The following ASPH variants were observed in gnomAD, a reference collection of about 807,000 sequenced individuals.
The protein encoded by ASPH is aspartate beta-hydroxylase.
Under a neutral mutation model 118.4 loss-of-function variants are expected in ASPH, and 100 were observed. The observed-to-expected ratio is 0.84, with a 90% confidence interval of 0.72 to 1.00. The LOEUF is 1.00. Among genes scored for constraint, ASPH ranks in the 50% least tolerant of loss-of-function variants. The probability of loss-of-function intolerance (pLI) is 0.00; values close to 1 mark genes in which losing one functional copy is unlikely to be tolerated. For missense variants in ASPH, 920 were observed against 919.5 expected, an observed-to-expected ratio of 1.00 and a Z score of -0.01; for synonymous variants, 315 against 325.6, an observed-to-expected ratio of 0.97 and a Z score of 0.35.
intron 3 of ASPH, chr8:61,663,370 C>T: frequency 1.0e-6 from 1 of 985,436 alleles, no homozygotes; most frequent in Non-Finnish European, 1.2e-6. Flanking sequence ...CTGGAATTAT[C>T]TCTCCCAGAG....
At chr8:61,663,227 C>A in intron 3 of ASPH, 1 of 985,342 alleles carries the variant, frequency 1.0e-6, no homozygotes, top group Non-Finnish European at 1.2e-6. Context: ...AGAAGCCCTA[C>A]ATTTGATGAA....
intron 1 of ASPH, among the ~76,000 whole-genome samples, chr8:61,701,099 C>T (rs191313721): frequency 8.5e-5 from 13 of 152,232 alleles, no homozygotes; most frequent in Admixed American, 8.5e-4. Context: ...CAGAGGTGGC[C>T]CCACTGTTCT....
chr8:61,562,971 C>A, intron 17 of ASPH, 91 bp from the exon 18 acceptor site: 2 of 1,290,808 alleles, frequency 1.5e-6, no homozygotes, highest in Non-Finnish European at 1.0e-6. Flanking sequence ...GACTATTCAC[C>A]AGAGCCTGAG....
Position 61,567,229 on chromosome 8 carries a change from A to T in ASPH, c.1239T>A (p.Asp413Glu). 6.2e-7 allele frequency: 1 copy of T among 1,614,132 alleles called. No individual in the cohort carries two copies. The highest frequency in any genetic ancestry group is 8.5e-7 in the Non-Finnish European group (1 of 1,180,012). The change falls in exon 17 of 25, where the codon GAT becomes GAA. Residue 413 changes from aspartate (D) to glutamate (E), a missense_variant. Physicochemically the swap from Asp to Glu is conservative, Grantham distance 45. Transcript: ENST00000379454. Reference protein sequence around the residue: ...ETYQEVASLPDVPADLLKLSL... With the variant: ...ETYQEVASLPEVPADLLKLSL... ...TCAGCTTCAGCAGGTCTGCAGGGAC[A>T]TCAGGTAGGCTGGCCACCTCTTGGT...
chr8:61,547,057 G>A (rs1249625793), intron 21 of ASPH, among the ~76,000 whole-genome samples: 1 of 152,160 alleles, frequency 6.6e-6, no homozygotes, highest in Non-Finnish European at 1.5e-5. Flanking sequence ...TAACCTGTAA[G>A]ATACATGAAG....
chr8:61,704,701 G>C (rs900755487), intron 1 of ASPH, among the ~76,000 whole-genome samples: 16 of 152,080 alleles, frequency 1.1e-4, no homozygotes, highest in Non-Finnish European at 4.4e-5. Context: ...AATGGGTGTA[G>C]CCAATAAGCA....
chr8:61,615,049 C>G (rs1398778307), intron 14 of ASPH, among the ~76,000 whole-genome samples: 2 of 152,170 alleles, frequency 1.3e-5, no homozygotes, highest in Non-Finnish European at 2.9e-5. Context: ...CCCAGAATCT[C>G]CCAATGGCCA....
At chr8:61,610,976 G>T (rs1211166422) in intron 14 of ASPH, among the ~76,000 whole-genome samples, 1 of 152,178 alleles carries the variant, frequency 6.6e-6, no homozygotes, top group Admixed American at 6.5e-5. Context: ...CAACTTCATG[G>T]TGTCTTTGCA....
chr8:61,702,133 C>T (rs1010160033), intron 1 of ASPH, among the ~76,000 whole-genome samples: 1 of 152,048 alleles, frequency 6.6e-6, no homozygotes, highest in Admixed American at 6.6e-5. Context: ...ACATAGCAAA[C>T]CTAACTCAAG....
At chr8:61,684,222 G>A (rs201189597) in intron 1 of ASPH, 34 bp from the exon 2 acceptor site, 1 of 1,578,012 alleles carries the variant, frequency 6.3e-7, no homozygotes, top group Non-Finnish European at 8.6e-7. Context: ...ATCATAAGAA[G>A]AAAACATTTT....
intron 3 of ASPH, among the ~76,000 whole-genome samples, chr8:61,678,374 C>T (rs562214657): frequency 6.6e-6 from 1 of 152,014 alleles, no homozygotes; most frequent in East Asian, 1.9e-4. Flanking sequence ...CAAAAGATAC[C>T]TATATTTTAG....
intron 14 of ASPH, among the ~76,000 whole-genome samples, chr8:61,592,432 T>C (rs1392762749): frequency 6.6e-6 from 1 of 152,202 alleles, no homozygotes; most frequent in African/African-American, 2.4e-5. Context: ...TGCATTCAGT[T>C]TGGATTTCAA....
intron 6 of ASPH, 88 bp downstream of exon 6, chr8:61,646,662 T>C: frequency 1.5e-6 from 2 of 1,314,010 alleles, no homozygotes; most frequent in Non-Finnish European, 1.0e-6. Context: ...AAGTTAAATA[T>C]CAGTTTTAAA....
At position 61,694,050 on chromosome 8, in the gene ASPH, T is replaced by C. The variant is rs112848479; in HGVS notation, c.104-9862A>G. ...CTCCCATATTCTCTACAAACTCACCTTGCCATTCTTTATGATGACTATGTC... is the reference window on the plus strand; with the variant it reads ...CTCCCATATTCTCTACAAACTCACCCTGCCATTCTTTATGATGACTATGTC... On this transcript the variant is annotated intron_variant, in intron 1 of 24. Transcript: ENST00000379454. Among the ~76,000 whole-genome samples, 535 of 152,254 alleles carry C rather than the reference T, an allele frequency of 3.5e-3. 2 individuals carry two copies. The highest frequency in any genetic ancestry group is 0.02 in the Middle Eastern group (6 of 294).
At chr8:61,630,124 C>T (rs982405211) in intron 13 of ASPH, among the ~76,000 whole-genome samples, 9 of 152,094 alleles carry the variant, frequency 5.9e-5, no homozygotes, top group African/African-American at 2.2e-4. Flanking sequence ...GGGATTAGCA[C>T]ATTGATAGTT....
At position 61,525,996 on chromosome 8, in the gene ASPH, C is replaced by G; in HGVS notation, c.1881G>C (p.Gln627His). The change falls in exon 22 of 25, where the codon CAG (glutamine) becomes CAC (histidine). Residue 627 changes from glutamine to histidine, a missense_variant. By Grantham distance (24) the Gln-to-His change is conservative (BLOSUM62 0). Coordinates refer to ENST00000379454, the MANE Select transcript of ASPH (RefSeq NM_004318.4). The part of the protein sequence containing the change: ...ENLREKGDWS[Q>H]FTLWQQGRRN... ...ACTCACCTTGCTGCCACAGCGTGAACTGGCTCCAGTCCCCTTTTTCCCTCA... is the reference window on the plus strand; with the variant it reads ...ACTCACCTTGCTGCCACAGCGTGAAGTGGCTCCAGTCCCCTTTTTCCCTCA... The G allele has an allele frequency of 6.2e-7, 1 of 1,613,992 alleles. No homozygotes were observed. Among genetic ancestry groups the G allele is most frequent in the Non-Finnish European group, 8.5e-7 (1 of 1,179,918 alleles).
chr8:61,575,662 G>A (rs536564293), intron 16 of ASPH, among the ~76,000 whole-genome samples: 1 of 152,188 alleles, frequency 6.6e-6, no homozygotes, highest in East Asian at 1.9e-4. Flanking sequence ...TCACTGTATT[G>A]TATTGTAATT....
At chr8:61,712,054 C>T (rs1483319172) in intron 1 of ASPH, among the ~76,000 whole-genome samples, 1 of 152,174 alleles carries the variant, frequency 6.6e-6, no homozygotes, top group Non-Finnish European at 1.5e-5. Flanking sequence ...GGTTCTTAGT[C>T]TCGGTTCTTC....
intron 1 of ASPH, among the ~76,000 whole-genome samples, chr8:61,694,769 T>C (rs1461954797): frequency 6.6e-6 from 1 of 152,180 alleles, no homozygotes; most frequent in Non-Finnish European, 1.5e-5. Context: ...CCTTTTTCTC[T>C]CCTTTGAGCT....
Sources: allele counts gnomAD v4.1 joint callset (sites outside exome capture counted in the v4.1 genomes callset), GRCh38; gene constraint gnomAD v4.1.1; transcripts MANE v1.5; gene names NCBI Gene and HGNC (gene_info 2026-07-23, HGNC 2026-07-21).